ELMO1: variants seen among roughly 807,000 people sequenced by gnomAD.
ELMO1 encodes the protein engulfment and cell motility protein 1.
ELMO1 carries 26 observed loss-of-function variants against 98.9 expected under a neutral mutation model. The ratio of observed to expected loss-of-function variants is 0.26; its 90% CI spans 0.19 to 0.36. The LOEUF is 0.36. ELMO1 is among the 10% of genes least tolerant of loss of function. The pLI is 1.00. For missense variants in ELMO1, 627 were observed against 935.2 expected (o/e 0.67, Z 4.30); for synonymous variants, 346 against 346.0 (o/e 1.00, Z 0.00).
intron 4 of ELMO1, among the ~76,000 whole-genome samples, chr7:37,309,273 A>G (rs538593181): frequency 3.0e-4 from 46 of 152,322 alleles, no homozygotes; most frequent in African/African-American, 9.6e-4. Context: ...TAGAACCATC[A>G]GCTCTCAAGA....
intron 15 of ELMO1, among the ~76,000 whole-genome samples, chr7:37,064,724 G>A (rs13231302): frequency 0.035 from 5,338 of 152,050 alleles, 108 homozygotes; most frequent in Middle Eastern, 0.078. Flanking sequence ...CAATCTCCCC[G>A]TAAGTACTCA....
chr7:37,378,363 C>T (rs1384326695), intron 1 of ELMO1, among the ~76,000 whole-genome samples: 1 of 152,110 alleles, frequency 6.6e-6, no homozygotes, highest in East Asian at 1.9e-4. Flanking sequence ...GAAACCTGCA[C>T]CAGGAAAACC....
chr7:37,408,820 G>C (rs1803881960), intron 1 of ELMO1, among the ~76,000 whole-genome samples: 1 of 152,176 alleles, frequency 6.6e-6, no homozygotes, highest in Non-Finnish European at 1.5e-5. Flanking sequence ...CAATGAAAAA[G>C]CTCTAGAGAT....
chr7:37,344,926 A>C (rs932010467), intron 1 of ELMO1, among the ~76,000 whole-genome samples: 2 of 152,226 alleles, frequency 1.3e-5, no homozygotes, highest in African/African-American at 4.8e-5. Flanking sequence ...TTGGTCCTTT[A>C]CCAGACCAGA....
At chr7:37,122,664 A>G (rs948456382) in intron 14 of ELMO1, among the ~76,000 whole-genome samples, 1 of 152,222 alleles carries the variant, frequency 6.6e-6, no homozygotes, top group Non-Finnish European at 1.5e-5. Context: ...AAAGAGACTT[A>G]GACTCCCACA....
chr7:37,099,787 G>T (rs1167639494), intron 14 of ELMO1, among the ~76,000 whole-genome samples: 1 of 151,352 alleles, frequency 6.6e-6, no homozygotes, highest in East Asian at 1.9e-4. Flanking sequence ...AGGCAGAGGT[G>T]ACTTTCTAGC....
At chr7:36,882,506 T>A (rs901436194) in intron 18 of ELMO1, among the ~76,000 whole-genome samples, 1 of 152,194 alleles carries the variant, frequency 6.6e-6, no homozygotes, top group Admixed American at 6.5e-5. Flanking sequence ...AAAGGACAGA[T>A]TTGTGTTTTG....
chr7:37,262,011 C>G (rs1796002016), intron 5 of ELMO1, among the ~76,000 whole-genome samples: 1 of 152,090 alleles, frequency 6.6e-6, no homozygotes, highest in South Asian at 2.1e-4. Flanking sequence ...AGCTGTGCAC[C>G]TTTAAGGAAG....
At chr7:37,187,137 CAAAG>C (rs1206961882) in intron 13 of ELMO1, among the ~76,000 whole-genome samples, 2 of 152,076 alleles carry the variant, frequency 1.3e-5, no homozygotes, top group South Asian at 2.1e-4. Context: ...TAAGAAGAAA[CAAAG>C]AACGGATACA....
intron 6 of ELMO1, among the ~76,000 whole-genome samples, chr7:37,252,398 A>C (rs1037035588): frequency 6.6e-6 from 1 of 152,208 alleles, no homozygotes; most frequent in African/African-American, 2.4e-5. Context: ...AGACCAATGG[A>C]ACAGAACAAG....
chr7:37,122,041 C>A (rs555365590), intron 14 of ELMO1, among the ~76,000 whole-genome samples: 36 of 152,268 alleles, frequency 2.4e-4, no homozygotes, highest in African/African-American at 8.7e-4. Flanking sequence ...AACTAAGCTT[C>A]ATAAGTGAAG....
intron 16 of ELMO1, among the ~76,000 whole-genome samples, chr7:36,945,936 T>C (rs2392477): frequency 0.48 from 72,826 of 152,064 alleles, 19,154 homozygotes; most frequent in African/African-American, 0.69. Context: ...TTTAAGAAAC[T>C]CCTTTGGAAT....
chr7:37,340,267 T>C (rs984111633), intron 2 of ELMO1, among the ~76,000 whole-genome samples: 1 of 152,204 alleles, frequency 6.6e-6, no homozygotes, highest in Non-Finnish European at 1.5e-5. Context: ...GCTACAATCT[T>C]AGGGACATAC....
chr7:37,447,243 C>T (rs1046285456), intron 1 of ELMO1, among the ~76,000 whole-genome samples: 10 of 152,184 alleles, frequency 6.6e-5, no homozygotes, highest in African/African-American at 2.4e-4. Context: ...AAAAGAGAAA[C>T]ACTCAGATAT....
At position 37,043,746 on chromosome 7, in the gene ELMO1, G is replaced by C. The variant is rs141825104; in HGVS notation, c.1301-30311C>G. 3.7e-3 allele frequency among the ~76,000 whole-genome samples: 563 copies of C among 152,242 alleles called. 11 individuals carry two copies. The highest frequency in any genetic ancestry group is 0.013 in the African/African-American group (545 of 41,524). ...ATGTGCAGGCAGGATGGAGACCAAC[G>C]AGAGTTTGGAACTTGTGGCAGCAAG... On this transcript the variant is annotated intron_variant, in intron 15 of 21. Transcript: ENST00000310758.
At chr7:37,127,817 C>T (rs188581802) in intron 14 of ELMO1, among the ~76,000 whole-genome samples, 1 of 152,240 alleles carries the variant, frequency 6.6e-6, no homozygotes, top group Admixed American at 6.5e-5. Context: ...CCCACATTGG[C>T]CAGCATAGGT....
At chr7:37,043,118 T>C (rs1210571575) in intron 15 of ELMO1, among the ~76,000 whole-genome samples, 1 of 152,170 alleles carries the variant, frequency 6.6e-6, no homozygotes, top group Non-Finnish European at 1.5e-5. Flanking sequence ...AGGCCTGCTC[T>C]CCGCAGACAA....
chr7:37,370,666 C>T (rs1802081924), intron 1 of ELMO1, among the ~76,000 whole-genome samples: 2 of 152,258 alleles, frequency 1.3e-5, no homozygotes, highest in South Asian at 4.1e-4. Context: ...AAAAGAAGGT[C>T]AACCTCATTA....
At chr7:37,373,710 C>T (rs965360473) in intron 1 of ELMO1, among the ~76,000 whole-genome samples, 11 of 152,178 alleles carry the variant, frequency 7.2e-5, no homozygotes, top group African/African-American at 9.6e-5. Flanking sequence ...TTATCATAAA[C>T]GCTTAATGGC....
Sources: gnomAD v4.1 joint callset for allele counts (sites outside exome capture counted in the v4.1 genomes callset) on GRCh38, gnomAD v4.1.1 for gene constraint, MANE v1.5 for transcripts, NCBI Gene and HGNC (gene_info 2026-07-23, HGNC 2026-07-21) for gene names.